Variants in MMP26 observed in about 807,000 individuals in gnomAD.
The protein encoded by MMP26 is matrix metallopeptidase 26, also known as matrix metalloproteinase-26.
In MMP26, 33 loss-of-function variants were observed where a neutral mutation model predicts 31.0. The observed-to-expected ratio is 1.06, with a 90% confidence interval of 0.81 to 1.42. MMP26 has a LOEUF of 1.42. Among genes scored for constraint, MMP26 ranks in the 40% most tolerant of loss-of-function variants. The pLI, the probability that MMP26 is intolerant of heterozygous loss-of-function variation, is 0.00. For synonymous variants in MMP26, 122 were observed against 114.9 expected, an observed-to-expected ratio of 1.06 and a Z score of -0.40; for missense variants, 347 against 316.1, an observed-to-expected ratio of 1.10 and a Z score of -0.74.
chr11:4,793,431 A>G (rs2412430), intron 2 of MMP26, among the ~76,000 whole-genome samples: 56,207 of 152,042 alleles, frequency 0.37, 11,466 homozygotes, highest in African/African-American at 0.52. Context: ...GCTTGCTCTA[A>G]TTAACGTAAA....
intron 2 of MMP26, chr11:4,769,180 A>G (rs1030724): frequency 0.24 from 380,639 of 1,611,862 alleles, 50,056 homozygotes; most frequent in African/African-American, 0.44. Context: ...CTGCTCCCAC[A>G]TGGGAGACAC....
chr11:4,772,857 C>A (rs543549883), intron 2 of MMP26, among the ~76,000 whole-genome samples: 18 of 152,152 alleles, frequency 1.2e-4, no homozygotes, highest in Middle Eastern at 3.4e-3. Context: ...GTAATTTGTT[C>A]CTCACTCAGC....
intron 2 of MMP26, chr11:4,803,943 T>A: frequency 1.9e-6 from 3 of 1,613,132 alleles, no homozygotes; most frequent in Non-Finnish European, 2.5e-6. Context: ...TGGTCCCCAG[T>A]TTGATCACGA....
chr11:4,889,324 A>G (rs1262650465), intron 2 of MMP26, among the ~76,000 whole-genome samples: 1 of 152,062 alleles, frequency 6.6e-6, no homozygotes, highest in African/African-American at 2.4e-5. Flanking sequence ...TATAATACCA[A>G]ATACAACAAA....
At position 4,955,324 on chromosome 11, in the gene MMP26, A is replaced by C. The variant is rs2595986; in HGVS notation, c.-144-32744A>C. 29 of 1,055,556 alleles carry C rather than the reference A, an allele frequency of 2.7e-5. 4 individuals are homozygous for C. The highest frequency in any genetic ancestry group is 2.3e-4 in the Middle Eastern group (1 of 4,294). 65.4% of individuals were successfully genotyped at this position (1,055,556 alleles called of 1,614,324 possible). ...TCAGGATTGAGGTGTATCTCAGAGGATTGTGGATGGCTAGGAATCTATCAA... is the reference window on the plus strand; with the variant it reads ...TCAGGATTGAGGTGTATCTCAGAGGCTTGTGGATGGCTAGGAATCTATCAA... On this transcript the variant is annotated intron_variant, in intron 2 of 7. Coordinates refer to ENST00000380390, the MANE Select transcript of MMP26 (RefSeq NM_021801.5).
intron 2 of MMP26, among the ~76,000 whole-genome samples, chr11:4,935,214 A>C (rs1315382588): frequency 3.3e-5 from 5 of 151,634 alleles, no homozygotes; most frequent in Non-Finnish European, 7.4e-5. Context: ...ATGAGCATGG[A>C]ATGTTCTTCC....
intron 2 of MMP26, among the ~76,000 whole-genome samples, chr11:4,792,437 C>A (rs943538304): frequency 2.0e-5 from 3 of 152,090 alleles, no homozygotes; most frequent in Non-Finnish European, 4.4e-5. Flanking sequence ...ACAAGAACCA[C>A]CAGGTCACTA....
chr11:4,869,885 T>C (rs1589924868), intron 2 of MMP26, among the ~76,000 whole-genome samples: 1 of 152,164 alleles, frequency 6.6e-6, no homozygotes, highest in African/African-American at 2.4e-5. Flanking sequence ...GGGAATACTA[T>C]GCAGCCATAA....
At chr11:4,816,962 G>C (rs1039738870) in intron 2 of MMP26, among the ~76,000 whole-genome samples, 1 of 150,282 alleles carries the variant, frequency 6.7e-6, no homozygotes, top group African/African-American at 2.5e-5. Flanking sequence ...CACCCGCCTC[G>C]GCCTCCCAAA....
chr11:4,951,443 G>C (rs1846372367), intron 2 of MMP26, among the ~76,000 whole-genome samples: 1 of 124,354 alleles, frequency 8.0e-6, no homozygotes, highest in African/African-American at 2.7e-5. Flanking sequence ...TACATAAACT[G>C]ATTTCTTAGA....
intron 2 of MMP26, among the ~76,000 whole-genome samples, chr11:4,776,558 C>G (rs753620660): frequency 2.0e-5 from 3 of 152,038 alleles, no homozygotes; most frequent in Non-Finnish European, 4.4e-5. Flanking sequence ...TGGTTTGGCT[C>G]TGTGCCCCCT....
In MMP26 at chr11:4,951,940, T is replaced by C. The variant is rs1159815541; in HGVS notation, c.-144-36128T>C. ...AGAAACAAAACAGAGAGCTGAAGCATGTAAGTTAGCGGTGATAACAACTTC... is the reference window on the plus strand; with the variant it reads ...AGAAACAAAACAGAGAGCTGAAGCACGTAAGTTAGCGGTGATAACAACTTC... On this transcript the variant is annotated intron_variant, in intron 2 of 7. Coordinates refer to ENST00000380390, the MANE Select transcript of MMP26 (RefSeq NM_021801.5). 3.2e-5 allele frequency among the ~76,000 whole-genome samples: 4 copies of C among 124,940 alleles called. 2 individuals carry two copies. Among genetic ancestry groups the C allele is most frequent in the Non-Finnish European group, 7.3e-5 (4 of 55,120 alleles). The allele number at this position is 124,940 out of a possible 152,430, so 82.0% of individuals were successfully genotyped here. A position where few individuals can be genotyped will look rare whatever the true frequency, so the allele number is the denominator to read the frequency against.
chr11:4,754,646 A>G (rs1213808263), intron 1 of MMP26, among the ~76,000 whole-genome samples: 1 of 152,010 alleles, frequency 6.6e-6, no homozygotes. Context: ...AAGTTTTATC[A>G]TCTAATTGAC....
Position 4,710,620 on chromosome 11 carries a change from T to A in MMP26, c.-217+5575T>A, listed in dbSNP as rs559020227. 1.1e-5 allele frequency: 4 copies of A among 353,630 alleles called. No individual in the cohort carries two copies. In the East Asian group the frequency reaches 3.0e-4, roughly 26 times the overall value. The allele number at this position is 353,630 out of a possible 1,614,324, so 21.9% of individuals were successfully genotyped here. On this transcript the variant is annotated intron_variant, in intron 1 of 7. Transcript: ENST00000380390. ...ATTGAAACAGCTGGTTTCAACATGC[T>A]TTCTTTCTATTCTGATGATCCACTA...
At chr11:4,867,239 A>C (rs968629069) in intron 2 of MMP26, among the ~76,000 whole-genome samples, 1 of 152,164 alleles carries the variant, frequency 6.6e-6, no homozygotes, top group South Asian at 2.1e-4. Context: ...ATTTACAAGA[A>C]AAAAACAAAC....
At chr11:4,882,973 A>T in intron 2 of MMP26, 1 of 970,652 alleles carries the variant, frequency 1.0e-6, no homozygotes, top group Non-Finnish European at 1.5e-6. Context: ...TGCTGAGTCA[A>T]TTCCAATTGA....
chr11:4,864,787 T>C (rs146304228), intron 2 of MMP26, among the ~76,000 whole-genome samples: 2 of 152,244 alleles, frequency 1.3e-5, no homozygotes, highest in Admixed American at 1.3e-4. Flanking sequence ...CCTCCATGTC[T>C]ACAGAAACTG....
chr11:4,907,612 G>A lies in MMP26; in HGVS notation c.-144-80456G>A, dbSNP rs141919327. On this transcript the variant is annotated intron_variant, in intron 2 of 7. Coordinates refer to ENST00000380390, the MANE Select transcript of MMP26 (RefSeq NM_021801.5). ...TGTCCCTCTCCTCCCTTCCTACCAT[G>A]TTGAGGGTCTTCTTGTTCAATGCCA... is the stretch of plus-strand genomic sequence containing the variant. 4 of 1,613,840 alleles carry A rather than the reference G, an allele frequency of 2.5e-6. No homozygotes were observed. In the African/African-American group the frequency reaches 5.3e-5, roughly 22 times the overall value.
intron 2 of MMP26, among the ~76,000 whole-genome samples, chr11:4,907,095 T>TAAAAAAAAAAAA (rs3065178): frequency 0.14 from 7,802 of 54,412 alleles, 1,328 homozygotes; most frequent in Non-Finnish European, 0.21. Flanking sequence ...AAACTCCCTC[T>TAAAAAAAAAAAA]AAAAAAAAAA....
Sources: gnomAD v4.1 joint callset for allele counts (sites outside exome capture counted in the v4.1 genomes callset) on GRCh38, gnomAD v4.1.1 for gene constraint, MANE v1.5 for transcripts, NCBI Gene and HGNC (gene_info 2026-07-23, HGNC 2026-07-21) for gene names.